The following DEPDC1B variants were observed in gnomAD, a reference collection of about 807,000 sequenced individuals.
DEPDC1B encodes DEP domain containing 1B, also known as DEP domain-containing protein 1B.
In DEPDC1B, 51 loss-of-function variants were observed where a neutral mutation model predicts 66.5. The ratio of observed to expected loss-of-function variants is 0.77; its 90% CI spans 0.61 to 0.97. The LOEUF (loss-of-function observed/expected upper bound fraction) is 0.97, where lower values mean the gene tolerates loss of function less well. Among genes scored for constraint, DEPDC1B ranks in the 50% least tolerant of loss-of-function variants. DEPDC1B has a pLI of 0.00. For synonymous variants in DEPDC1B, 226 were observed against 223.6 expected (o/e 1.01, Z -0.10); for missense variants, 552 against 637.1 (o/e 0.87, Z 1.44).
At chr5:60,663,851 C>T (rs1188203246) in intron 2 of DEPDC1B, among the ~76,000 whole-genome samples, 1 of 152,228 alleles carries the variant, frequency 6.6e-6, no homozygotes, top group Admixed American at 6.5e-5. Context: ...CTGCTTACAG[C>T]AGGTTAAATA....
chr5:60,612,835 C>A (rs1055141283), intron 7 of DEPDC1B, among the ~76,000 whole-genome samples: 1 of 151,922 alleles, frequency 6.6e-6, no homozygotes, highest in African/African-American at 2.4e-5. Flanking sequence ...AGGTCACATG[C>A]GAGCTAAGAA....
At chr5:60,689,743 A>C (rs1056912668) in intron 1 of DEPDC1B, among the ~76,000 whole-genome samples, 3 of 152,050 alleles carry the variant, frequency 2.0e-5, no homozygotes, top group African/African-American at 7.2e-5. Flanking sequence ...AATATAACGG[A>C]TTAAAAAGCA....
intron 7 of DEPDC1B, among the ~76,000 whole-genome samples, chr5:60,615,043 T>C (rs985378927): frequency 6.6e-6 from 1 of 152,194 alleles, no homozygotes; most frequent in Non-Finnish European, 1.5e-5. Context: ...AGCAAAGTTA[T>C]GAAGAACAAA....
chr5:60,642,740 G>C, intron 6 of DEPDC1B, 72 bp downstream of exon 6: 5 of 1,179,706 alleles, frequency 4.2e-6, no homozygotes, highest in Non-Finnish European at 6.2e-6. Flanking sequence ...AGGCCATTGA[G>C]CAGAAATTTT....
At chr5:60,597,987 T>A in intron 10 of DEPDC1B, 73 bp from the exon 11 acceptor site, 2 of 1,336,592 alleles carry the variant, frequency 1.5e-6, no homozygotes, top group Non-Finnish European at 2.0e-6. Context: ...AGCCAAATTT[T>A]AAGAGTTTCT....
chr5:60,607,148 C>T (rs1752327029), intron 7 of DEPDC1B, among the ~76,000 whole-genome samples: 1 of 152,144 alleles, frequency 6.6e-6, no homozygotes, highest in Non-Finnish European at 1.5e-5. Context: ...AACTATAAGC[C>T]ACTCAGTATG....
intron 1 of DEPDC1B, among the ~76,000 whole-genome samples, chr5:60,693,285 T>C (rs770887513): frequency 2.6e-5 from 4 of 151,438 alleles, no homozygotes; most frequent in Non-Finnish European, 5.9e-5. Context: ...TGGAAGAGAG[T>C]AGGGAGGTTG....
chr5:60,648,507 TA>T (rs1753372457), intron 2 of DEPDC1B, among the ~76,000 whole-genome samples: 1 of 152,236 alleles, frequency 6.6e-6, no homozygotes, highest in Non-Finnish European at 1.5e-5. Context: ...TTTCTCTTGT[TA>T]ATCTGTCTTT....
intron 1 of DEPDC1B, among the ~76,000 whole-genome samples, chr5:60,691,994 T>C (rs1209463795): frequency 2.0e-5 from 3 of 152,184 alleles, no homozygotes; most frequent in Non-Finnish European, 2.9e-5. Context: ...TATAATACTA[T>C]TCAGCCTTTA....
intron 2 of DEPDC1B, among the ~76,000 whole-genome samples, chr5:60,650,227 T>C (rs1443682421): frequency 6.6e-6 from 1 of 151,994 alleles, no homozygotes; most frequent in Non-Finnish European, 1.5e-5. Context: ...GATTCTAAAA[T>C]TTATATGAAA....
chr5:60,641,163 A>C (rs1753182402), intron 6 of DEPDC1B, among the ~76,000 whole-genome samples: 1 of 152,132 alleles, frequency 6.6e-6, no homozygotes. Context: ...CAGTTATTCT[A>C]AGCTTTCTGC....
intron 2 of DEPDC1B, among the ~76,000 whole-genome samples, chr5:60,666,174 C>A (rs756117995): frequency 2.1e-4 from 32 of 152,182 alleles, no homozygotes; most frequent in Non-Finnish European, 4.0e-4. Context: ...CCCAGCGAGG[C>A]GCCCATTGCC....
intron 7 of DEPDC1B, among the ~76,000 whole-genome samples, chr5:60,636,567 G>C (rs1753048297): frequency 6.6e-6 from 1 of 151,948 alleles, no homozygotes; most frequent in African/African-American, 2.4e-5. Context: ...AGCCCCACTG[G>C]GATCCAACCT....
intron 2 of DEPDC1B, among the ~76,000 whole-genome samples, chr5:60,659,501 T>C (rs1192511944): frequency 4.6e-5 from 7 of 152,182 alleles, no homozygotes; most frequent in Non-Finnish European, 5.9e-5. Context: ...CTTGGGAGCA[T>C]TGGTCTGCCT....
At chr5:60,649,459 C>T (rs1245775777) in intron 2 of DEPDC1B, among the ~76,000 whole-genome samples, 1 of 151,350 alleles carries the variant, frequency 6.6e-6, no homozygotes, top group Non-Finnish European at 1.5e-5. Context: ...ATTTTCACAG[C>T]AGTCTGACAA....
At chr5:60,613,937 CAGTTA>C (rs1752478929) in intron 7 of DEPDC1B, among the ~76,000 whole-genome samples, 4 of 152,066 alleles carry the variant, frequency 2.6e-5, no homozygotes, top group Non-Finnish European at 1.5e-5. Context: ...ATATTTCAAT[CAGTTA>C]AGTTCTTTGT....
rs1177212609 is a variant in DEPDC1B at position 60,606,821 on chromosome 5, T to C, written c.899-965A>G. Among the ~76,000 whole-genome samples, 10 of 151,974 alleles carry C rather than the reference T, an allele frequency of 6.6e-5. No individual in the cohort carries two copies. The South Asian group carries it at 1.9e-3, about 28-fold the overall frequency. ...AAGGATATTATAATATTGCTCTCTT[T>C]TTTACTATATTTGTCCCTGGACATA... On this transcript the variant is annotated intron_variant, in intron 7 of 10. Transcript: ENST00000265036.
At chr5:60,690,589 G>C (rs7708849) in intron 1 of DEPDC1B, among the ~76,000 whole-genome samples, 3 of 152,074 alleles carry the variant, frequency 2.0e-5, no homozygotes, top group African/African-American at 4.8e-5. Flanking sequence ...AAAATTCATA[G>C]TCATATTCTC....
chr5:60,697,197 G>GT (rs769218128), intron 1 of DEPDC1B, among the ~76,000 whole-genome samples: 4 of 152,164 alleles, frequency 2.6e-5, no homozygotes, highest in Non-Finnish European at 5.9e-5. Context: ...TTTATCATGA[G>GT]TTGGGGCTGT....
Sources: gnomAD v4.1 joint callset for allele counts (sites outside exome capture counted in the v4.1 genomes callset) on GRCh38, gnomAD v4.1.1 for gene constraint, MANE v1.5 for transcripts, NCBI Gene and HGNC (gene_info 2026-07-23, HGNC 2026-07-21) for gene names.